Variants in CDH4 observed in about 807,000 individuals in gnomAD.
The protein encoded by CDH4 is cadherin 4, also known as cadherin-4.
Under a neutral mutation model 86.0 loss-of-function variants are expected in CDH4, and 33 were observed. That is an observed-to-expected ratio of 0.38 (90% CI 0.29 to 0.51). The LOEUF (loss-of-function observed/expected upper bound fraction) is 0.51, where lower values mean the gene tolerates loss of function less well. Ranked by LOEUF, CDH4 falls within the 20% of genes least tolerant of loss-of-function variation. The probability of loss-of-function intolerance (pLI) is 0.86; values close to 1 mark genes in which losing one functional copy is unlikely to be tolerated. For synonymous variants in CDH4, 555 were observed against 549.4 expected (o/e 1.01, Z -0.14); for missense variants, 1,114 against 1,307.4 (o/e 0.85, Z 2.28).
intron 2 of CDH4, among the ~76,000 whole-genome samples, chr20:61,432,094 T>G (rs943994897): frequency 3.3e-5 from 5 of 152,244 alleles, no homozygotes; most frequent in Admixed American, 3.3e-4. Context: ...TGAATAAAGC[T>G]GCTGTCCACA....
At chr20:61,498,201 TATA>T (rs2085676290) in intron 2 of CDH4, among the ~76,000 whole-genome samples, 2 of 151,408 alleles carry the variant, frequency 1.3e-5, no homozygotes, top group Non-Finnish European at 2.9e-5. Flanking sequence ...GAACTTAAAG[TATA>T]ATAATAAAAA....
intron 2 of CDH4, among the ~76,000 whole-genome samples, chr20:61,274,811 A>AGTTTGGGGGAGTACCG (rs2084217332): frequency 1.2e-5 from 1 of 83,170 alleles, no homozygotes. Context: ...GGGGAGTACC[A>AGTTTGGGGGAGTACCG]TGTGCAGTTT....
chr20:61,808,485 A>G (rs1980255640), intron 4 of CDH4, among the ~76,000 whole-genome samples: 1 of 152,118 alleles, frequency 6.6e-6, no homozygotes, highest in African/African-American at 2.4e-5. Flanking sequence ...CACATTAAGG[A>G]CAAACTCTAG....
At chr20:61,757,575 A>G (rs904707901) in intron 3 of CDH4, among the ~76,000 whole-genome samples, 2 of 152,142 alleles carry the variant, frequency 1.3e-5, no homozygotes, top group Non-Finnish European at 2.9e-5. Context: ...GCAAAATCTG[A>G]TGGGTTATTG....
At chr20:61,843,353 G>A (rs1018408717) in intron 4 of CDH4, among the ~76,000 whole-genome samples, 1 of 151,354 alleles carries the variant, frequency 6.6e-6, no homozygotes, top group Non-Finnish European at 1.5e-5. Flanking sequence ...AGGAGGCTGA[G>A]GCAGGAGAAT....
chr20:61,565,307 T>TCGGTGGTAGGTGGTGGTGG (rs2086279972), intron 2 of CDH4, among the ~76,000 whole-genome samples: 3 of 42,574 alleles, frequency 7.0e-5, no homozygotes, highest in Non-Finnish European at 1.4e-4. Context: ...GGCGGTGCTC[T>TCGGTGGTAGGTGGTGGTGG]TGGTGGTGGC....
chr20:61,348,639 T>C (rs6028144), intron 2 of CDH4, among the ~76,000 whole-genome samples: 122,293 of 152,210 alleles, frequency 0.8, 49,811 homozygotes, highest in African/African-American at 0.95. Flanking sequence ...TGTATCATGA[T>C]ATCTTCTTTC....
intron 2 of CDH4, among the ~76,000 whole-genome samples, chr20:61,378,131 G>A (rs2084882073): frequency 6.6e-6 from 1 of 152,188 alleles, no homozygotes; most frequent in Non-Finnish European, 1.5e-5. Flanking sequence ...GTGCACGCCT[G>A]TAGTCCCAGC....
At chr20:61,665,133 C>T (rs371803654) in intron 2 of CDH4, among the ~76,000 whole-genome samples, 8 of 152,286 alleles carry the variant, frequency 5.3e-5, no homozygotes, top group South Asian at 4.1e-4. Flanking sequence ...ACAATCCAGC[C>T]GGATCCGGGT....
At chr20:61,870,534 T>C (rs1983759197) in intron 6 of CDH4, among the ~76,000 whole-genome samples, 1 of 152,182 alleles carries the variant, frequency 6.6e-6, no homozygotes, top group African/African-American at 2.4e-5. Flanking sequence ...TGCATGTCCC[T>C]GCCATCATCC....
Position 61,708,274 on chromosome 20 carries a change from CA to C in CDH4, c.170-35288del, listed in dbSNP as rs528945446. ...CAGGGGGTTGACTTTTACCCCGAAC[CA>C]GATGTACCAAGCACCCCGCTGACTC... On this transcript the variant is annotated intron_variant, in intron 2 of 15. Coordinates refer to ENST00000614565, the MANE Select transcript of CDH4 (RefSeq NM_001794.5). This position sits in a 1 kb window ranked among gnomAD's most constrained non-coding sequence, Gnocchi z 4.5. Among the ~76,000 whole-genome samples the C allele has an allele frequency of 7.6e-4, 116 of 152,232 alleles. 1 individual carries two copies. The Middle Eastern group carries it at 0.014, about 18-fold the overall frequency.
At chr20:61,711,856 T>G (rs548973077) in intron 2 of CDH4, among the ~76,000 whole-genome samples, 11 of 151,968 alleles carry the variant, frequency 7.2e-5, no homozygotes, top group Non-Finnish European at 1.3e-4. Flanking sequence ...GGAAGTGGTA[T>G]TCCAGCTGCA....
intron 2 of CDH4, among the ~76,000 whole-genome samples, chr20:61,320,368 G>A (rs1478328920): frequency 6.6e-6 from 1 of 152,070 alleles, no homozygotes; most frequent in Non-Finnish European, 1.5e-5. Flanking sequence ...CTAGTCCCTG[G>A]GGGCTCACAG....
rs533230807 is a variant in CDH4 at position 61,718,284 on chromosome 20, G to A, written c.170-25279G>A. On this transcript the variant is annotated intron_variant, in intron 2 of 15. Transcript: ENST00000614565. ...GGGGAAGCCCAAACCTGCCCTTCTC[G>A]GCATCCCTGCCTCTCCTGTAAGGCG... 112 of 161,930 alleles carry A rather than the reference G, an allele frequency of 6.9e-4. 4 individuals carry two copies. The South Asian group carries it at 0.019, about 27-fold the overall frequency. 10.0% of individuals were successfully genotyped at this position (161,930 alleles called of 1,614,324 possible). A position where few individuals can be genotyped will look rare whatever the true frequency, so the allele number is the denominator to read the frequency against.
At chr20:61,303,950 C>T (rs2084399587) in intron 2 of CDH4, among the ~76,000 whole-genome samples, 2 of 152,148 alleles carry the variant, frequency 1.3e-5, no homozygotes, top group Admixed American at 6.5e-5. Flanking sequence ...GAGGCTACTT[C>T]GGAACGGAGT....
intron 2 of CDH4, among the ~76,000 whole-genome samples, chr20:61,382,157 T>C (rs2084905967): frequency 6.6e-6 from 1 of 152,224 alleles, no homozygotes; most frequent in African/African-American, 2.4e-5. Context: ...ACCTGATACC[T>C]GTGGCATCAT....
intron 2 of CDH4, among the ~76,000 whole-genome samples, chr20:61,630,944 C>G (rs2145787724): frequency 6.6e-6 from 1 of 152,254 alleles, no homozygotes; most frequent in East Asian, 1.9e-4. Flanking sequence ...ACAAGGGAGA[C>G]ACAAGGTAAG....
intron 2 of CDH4, among the ~76,000 whole-genome samples, chr20:61,697,961 G>T (rs2087733022): frequency 6.6e-6 from 1 of 152,258 alleles, no homozygotes; most frequent in Admixed American, 6.5e-5. Context: ...GGCAGCAGAA[G>T]TCAGAGATGG....
intron 2 of CDH4, among the ~76,000 whole-genome samples, chr20:61,340,466 T>G (rs2123281607): frequency 6.6e-6 from 1 of 152,374 alleles, no homozygotes; most frequent in South Asian, 2.1e-4. Context: ...AGGTGGCAAC[T>G]TGGACTTTCC....
Sources: gnomAD v4.1 joint callset for allele counts (sites outside exome capture counted in the v4.1 genomes callset) on GRCh38, gnomAD v4.1.1 for gene constraint, Gnocchi (gnomAD v3.1) non-coding constraint, MANE v1.5 for transcripts, NCBI Gene and HGNC (gene_info 2026-07-23, HGNC 2026-07-21) for gene names.